The following ERC1 variants were observed in gnomAD, a reference collection of about 807,000 sequenced individuals.
ERC1 encodes ELKS/RAB6-interacting/CAST family member 1, also known as RAB6 interacting protein 2.
Under a neutral mutation model 132.0 loss-of-function variants are expected in ERC1, and 56 were observed. The ratio of observed to expected loss-of-function variants is 0.42; its 90% CI spans 0.34 to 0.53. The LOEUF is 0.53. Among genes scored for constraint, ERC1 ranks in the 20% least tolerant of loss-of-function variants. The pLI is 0.03. For synonymous variants in ERC1, 478 were observed against 476.1 expected, an observed-to-expected ratio of 1.00 and a Z score of -0.05; for missense variants, 1,202 against 1,349.9, an observed-to-expected ratio of 0.89 and a Z score of 1.72.
intron 8 of ERC1, among the ~76,000 whole-genome samples, chr12:1,176,422 G>A (rs1374798355): frequency 6.6e-6 from 1 of 152,108 alleles, no homozygotes; most frequent in African/African-American, 2.4e-5. Context: ...CATTTATAAA[G>A]CATAGGCAGA....
At chr12:1,395,934 T>A (rs116905086) in intron 16 of ERC1, among the ~76,000 whole-genome samples, 1 of 148,538 alleles carries the variant, frequency 6.7e-6, no homozygotes, top group Non-Finnish European at 1.5e-5. Context: ...CATGGAGTCT[T>A]AAAAAAAAAA....
chr12:1,271,889 A>G (rs563997343), intron 14 of ERC1, among the ~76,000 whole-genome samples: 1 of 152,198 alleles, frequency 6.6e-6, no homozygotes, highest in African/African-American at 2.4e-5. Context: ...ACTTCTTTGT[A>G]ATCTTACAAA....
At chr12:1,434,330 G>A (rs2092890126) in intron 17 of ERC1, among the ~76,000 whole-genome samples, 1 of 152,142 alleles carries the variant, frequency 6.6e-6, no homozygotes, top group Non-Finnish European at 1.5e-5. Flanking sequence ...ATAGATATAT[G>A]AAGATTCTAT....
chr12:1,273,786 C>T (rs1448098892), intron 14 of ERC1, among the ~76,000 whole-genome samples: 1 of 152,140 alleles, frequency 6.6e-6, no homozygotes, highest in Non-Finnish European at 1.5e-5. Flanking sequence ...CAGATAGATA[C>T]ATGGATATCT....
intron 18 of ERC1, chr12:1,444,953 G>A (rs2093263846): frequency 2.5e-6 from 1 of 400,036 alleles, no homozygotes; most frequent in African/African-American, 2.1e-5. Context: ...GATTTGGGGG[G>A]TGGGGAGGGG....
intron 12 of ERC1, among the ~76,000 whole-genome samples, chr12:1,195,877 C>A (rs950277423): frequency 9.9e-6 from 1 of 100,870 alleles, no homozygotes; most frequent in Non-Finnish European, 1.7e-5. Flanking sequence ...TTATTTCCGC[C>A]CCCCCCCCCC....
intron 16 of ERC1, among the ~76,000 whole-genome samples, chr12:1,378,238 C>T (rs888466331): frequency 6.6e-6 from 1 of 152,190 alleles, no homozygotes; most frequent in African/African-American, 2.4e-5. Flanking sequence ...AAATTCTTAG[C>T]CCAGGGCCCT....
chr12:1,143,243 G>T (rs2154249830), intron 8 of ERC1, among the ~76,000 whole-genome samples: 1 of 151,920 alleles, frequency 6.6e-6, no homozygotes, highest in Admixed American at 6.6e-5. Flanking sequence ...ATGTTGTCCA[G>T]GCTGGTCTCA....
intron 15 of ERC1, among the ~76,000 whole-genome samples, chr12:1,335,154 A>G (rs1045232969): frequency 6.6e-6 from 1 of 152,186 alleles, no homozygotes; most frequent in African/African-American, 2.4e-5. Context: ...TTCTAGATAC[A>G]GGATTGTGTC....
rs778101125 is a variant in ERC1 at position 1,028,495 on chromosome 12, C to T, written c.592C>T (p.Arg198Ter). 4 of 1,613,988 alleles carry T rather than the reference C, an allele frequency of 2.5e-6. No individual in the cohort carries two copies. Among genetic ancestry groups the T allele is most frequent in the East Asian group, 2.2e-5 (1 of 44,880 alleles). ...TFWSPELKKE[R>*]ALRKDEASKI... Reference sequence around the variant, plus strand: ...CTGGAGCCCAGAGCTGAAGAAGGAACGAGCCCTGAGAAAAGATGAAGCTTC... The same window carrying T: ...CTGGAGCCCAGAGCTGAAGAAGGAATGAGCCCTGAGAAAAGATGAAGCTTC... The change falls in exon 2 of 19, where the codon CGA (arginine) becomes TGA (stop). Residue 198 changes from arginine (R) to a stop codon, truncating the protein, a stop_gained. Transcript: ENST00000360905. LOFTEE classifies it high-confidence loss of function.
rs536080741 is a variant in ERC1 at position 1,476,003 on chromosome 12, C to G, written c.3214-14090C>G. Among the ~76,000 whole-genome samples, 52 of 150,964 alleles carry G rather than the reference C, an allele frequency of 3.4e-4. No individual in the cohort carries two copies. In the East Asian group the frequency reaches 4.3e-3, roughly 13 times the overall value. On this transcript the variant is annotated intron_variant, in intron 18 of 18. Coordinates refer to ENST00000360905, the MANE Select transcript of ERC1 (RefSeq NM_178040.4). ...AAAAGGCTGGGCAAGGTGACTCATGCCTGTAATCCCAGCACTTTGGGAGGC... is the reference window on the plus strand; with the variant it reads ...AAAAGGCTGGGCAAGGTGACTCATGGCTGTAATCCCAGCACTTTGGGAGGC...
intron 17 of ERC1, among the ~76,000 whole-genome samples, chr12:1,414,275 G>A (rs1412906089): frequency 6.6e-6 from 1 of 152,208 alleles, no homozygotes; most frequent in African/African-American, 2.4e-5. Context: ...CAGGATCCCA[G>A]CGTGGTCAGA....
intron 15 of ERC1, among the ~76,000 whole-genome samples, chr12:1,347,049 G>C (rs1437309934): frequency 1.3e-5 from 2 of 152,018 alleles, no homozygotes; most frequent in Non-Finnish European, 2.9e-5. Context: ...AAGGTATTTA[G>C]AATTGTGACA....
chr12:1,396,157 A>G (rs1229124433), intron 16 of ERC1, among the ~76,000 whole-genome samples: 1 of 152,138 alleles, frequency 6.6e-6, no homozygotes, highest in Non-Finnish European at 1.5e-5. Flanking sequence ...TGAGATGTCT[A>G]TTTTCTTTGC....
intron 8 of ERC1, among the ~76,000 whole-genome samples, chr12:1,159,371 T>C (rs909494974): frequency 3.9e-5 from 6 of 152,144 alleles, no homozygotes; most frequent in Admixed American, 2.6e-4. Flanking sequence ...TTCACGCTCT[T>C]GTGAGAATCT....
At chr12:1,467,531 CAT>C (rs1247072978) in intron 18 of ERC1, among the ~76,000 whole-genome samples, 2 of 152,178 alleles carry the variant, frequency 1.3e-5, no homozygotes, top group Admixed American at 1.3e-4. Context: ...CTACCTGATA[CAT>C]CTAGAGCAGC....
rs527726622 is a variant in ERC1 at position 1,383,361 on chromosome 12, C to T, written c.2925+11384C>T. Among the ~76,000 whole-genome samples the T allele has an allele frequency of 2.6e-5, 4 of 152,244 alleles. No homozygotes were observed. The East Asian group carries it at 5.8e-4, about 22-fold the overall frequency. On this transcript the variant is annotated intron_variant, in intron 16 of 18. Transcript: ENST00000360905. ...TAGAAAGATTAGTTTGAGGGTCGTTCCCTCCTCCGTTAAACTTCTCTTGGT... is the reference window on the plus strand; with the variant it reads ...TAGAAAGATTAGTTTGAGGGTCGTTTCCTCCTCCGTTAAACTTCTCTTGGT...
At chr12:1,038,903 A>G (rs1330728866) in intron 2 of ERC1, among the ~76,000 whole-genome samples, 2 of 152,180 alleles carry the variant, frequency 1.3e-5, no homozygotes, top group Non-Finnish European at 2.9e-5. Context: ...TGAGATTTTC[A>G]AAGAAATATT....
chr12:1,452,288 CT>C (rs1445246192), intron 18 of ERC1, among the ~76,000 whole-genome samples: 1 of 151,908 alleles, frequency 6.6e-6, no homozygotes, highest in African/African-American at 2.4e-5. Context: ...ATTCATGTAG[CT>C]TTGTTTTGGG....
Sources: gnomAD v4.1 joint callset for allele counts (sites outside exome capture counted in the v4.1 genomes callset) on GRCh38, gnomAD v4.1.1 for gene constraint, MANE v1.5 for transcripts, NCBI Gene and HGNC (gene_info 2026-07-23, HGNC 2026-07-21) for gene names.